The following STOX2 variants were observed in gnomAD, a reference collection of about 807,000 sequenced individuals.
STOX2 encodes the protein storkhead-box protein 2.
A neutral mutation model predicts 60.9 loss-of-function variants in STOX2; 28 were observed. The observed-to-expected ratio is 0.46, with a 90% CI of 0.34 to 0.63. STOX2 has a LOEUF of 0.63. Ranked by LOEUF, STOX2 falls within the 30% of genes least tolerant of loss-of-function variation. STOX2 has a pLI of 0.01. For synonymous variants in STOX2, 472 were observed against 463.9 expected (o/e 1.02, Z -0.22); for missense variants, 1,024 against 1,187.7 (o/e 0.86, Z 2.03).
chr4:183,836,645 G>A lies in STOX2; in HGVS notation c.364+38590G>A, dbSNP rs1739715150. The stretch of plus-strand genomic sequence containing the variant: ...AGTCTTCCATGTCCTGGGAAGGGGT[G>A]ACCTGGTATTAGTGAGCATCAGCAG... On this transcript the variant is annotated intron_variant, in intron 1 of 2. Transcript: ENST00000513034. The surrounding 1 kb of genome is among the most constrained non-coding windows in gnomAD (Gnocchi z 4.1). 6.6e-6 allele frequency among the ~76,000 whole-genome samples: 1 copy of A among 152,180 alleles called. No individual in the cohort carries two copies. Among genetic ancestry groups the A allele is most frequent in the South Asian group, 2.1e-4 (1 of 4,830 alleles).
intron 1 of STOX2, among the ~76,000 whole-genome samples, chr4:183,861,225 A>T (rs962719531): frequency 6.6e-6 from 1 of 152,060 alleles, no homozygotes; most frequent in Non-Finnish European, 1.5e-5. Flanking sequence ...AGCAGACAGG[A>T]CCCCCTAGAT....
intron 1 of STOX2, among the ~76,000 whole-genome samples, chr4:183,800,231 A>G (rs1421613238): frequency 6.6e-6 from 1 of 151,950 alleles, no homozygotes. Flanking sequence ...GGGCTTTGCA[A>G]TTCCAGTCTG....
At position 184,017,290 on chromosome 4, in the gene STOX2, C is replaced by T. The variant is rs750550716; in HGVS notation, c.*6C>T. 2 of 1,580,796 alleles carry T rather than the reference C, an allele frequency of 1.3e-6. No individual in the cohort carries two copies. The highest frequency in any genetic ancestry group is 2.3e-5 in the South Asian group (2 of 86,262). On this transcript the variant is annotated 3_prime_UTR_variant, in exon 4 of 4. Transcript: ENST00000308497. ...CTTCTGTTACTAGCGTGTGATTGTC[C>T]TTCTGCCTCAGATCTTCTGTCTCAT...
chr4:183,903,217 A>G (rs1741501156), upstream of STOX2, among the ~76,000 whole-genome samples: 1 of 152,186 alleles, frequency 6.6e-6, no homozygotes, highest in Non-Finnish European at 1.5e-5. Context: ...CTGGCTCTGC[A>G]TCCTTCCATG....
chr4:183,882,485 C>T (rs901679609), intron 1 of STOX2, among the ~76,000 whole-genome samples: 1 of 152,242 alleles, frequency 6.6e-6, no homozygotes, highest in Non-Finnish European at 1.5e-5. Context: ...TCTATCACTT[C>T]ATTCTATCCC....
intron 1 of STOX2, among the ~76,000 whole-genome samples, chr4:183,829,613 A>C (rs1739519244): frequency 6.6e-6 from 1 of 152,194 alleles, no homozygotes; most frequent in African/African-American, 2.4e-5. Flanking sequence ...ATTTCTTGTG[A>C]AAATCAGCCC....
chr4:183,945,081 G>C (rs1323149408), intron 1 of STOX2, among the ~76,000 whole-genome samples: 2 of 152,182 alleles, frequency 1.3e-5, no homozygotes, highest in Non-Finnish European at 2.9e-5. Context: ...AGTGCCTCTG[G>C]GTATGGAGTC....
At chr4:183,877,671 C>G (rs1365639618) in intron 1 of STOX2, among the ~76,000 whole-genome samples, 1 of 151,704 alleles carries the variant, frequency 6.6e-6, no homozygotes, top group Non-Finnish European at 1.5e-5. Flanking sequence ...CGCACTTCCG[C>G]TGCTGCTGCT....
intron 1 of STOX2, among the ~76,000 whole-genome samples, chr4:183,965,303 T>C (rs1743532912): frequency 6.6e-6 from 1 of 152,192 alleles, no homozygotes; most frequent in African/African-American, 2.4e-5. Context: ...TAAATGAGGA[T>C]TACACCCACA....
At chr4:184,004,469 G>A (rs1485928793) in intron 2 of STOX2, among the ~76,000 whole-genome samples, 7 of 152,100 alleles carry the variant, frequency 4.6e-5, no homozygotes, top group African/African-American at 1.2e-4. Flanking sequence ...GCTTGGTGGC[G>A]GGCGCCTGTA....
intron 1 of STOX2, among the ~76,000 whole-genome samples, chr4:183,987,189 C>A (rs1732880933): frequency 6.6e-6 from 1 of 152,182 alleles, no homozygotes; most frequent in Non-Finnish European, 1.5e-5. Context: ...TCTCTGACTC[C>A]ATTTTTCTCG....
At chr4:183,798,903 A>AAAGC in intron 1 of STOX2, 1 of 151,746 alleles carries the variant, frequency 6.6e-6, no homozygotes, top group Non-Finnish European at 9.1e-6. Context: ...TTATACTTTG[A>AAAGC]GTTTTTGTAC....
intron 1 of STOX2, among the ~76,000 whole-genome samples, chr4:183,883,779 C>T (rs1232738936): frequency 6.6e-6 from 1 of 152,032 alleles, no homozygotes; most frequent in Non-Finnish European, 1.5e-5. Flanking sequence ...CACGACTTTA[C>T]AATTAATGAA....
chr4:183,991,422 T>A (rs1319256883), intron 1 of STOX2, among the ~76,000 whole-genome samples: 1 of 148,630 alleles, frequency 6.7e-6, no homozygotes, highest in Non-Finnish European at 1.5e-5. Flanking sequence ...CTAGATGGGC[T>A]TGAGGAAGAA....
At position 183,856,304 on chromosome 4, in the gene STOX2, T is replaced by G. The variant is rs1291533503; in HGVS notation, c.364+58249T>G. Among the ~76,000 whole-genome samples the G allele has an allele frequency of 6.6e-6, 1 of 152,026 alleles. No homozygotes were observed. Among genetic ancestry groups the G allele is most frequent in the Non-Finnish European group, 1.5e-5 (1 of 68,016 alleles). ...AACTAAAAAAATCTGCACCATTAAT[T>G]AAAGAAATGGCATGGGCTACACTAA... On this transcript the variant is annotated intron_variant, in intron 1 of 2. Transcript: ENST00000513034. This position sits in a 1 kb window ranked among gnomAD's most constrained non-coding sequence, Gnocchi z 4.0.
intron 1 of STOX2, among the ~76,000 whole-genome samples, chr4:183,910,449 T>G (rs1467719241): frequency 6.6e-6 from 1 of 152,242 alleles, no homozygotes; most frequent in Non-Finnish European, 1.5e-5. Flanking sequence ...TAGAATTATG[T>G]GAACTGTAAG....
intron 1 of STOX2, among the ~76,000 whole-genome samples, chr4:183,810,566 C>T (rs113789584): frequency 5.4e-4 from 82 of 152,280 alleles, no homozygotes; most frequent in African/African-American, 1.6e-3. Flanking sequence ...CCCCAAAGTT[C>T]GTATCTTGGA....
intron 1 of STOX2, among the ~76,000 whole-genome samples, chr4:183,807,036 G>T (rs145408267): frequency 6.6e-6 from 1 of 151,824 alleles, no homozygotes; most frequent in Non-Finnish European, 1.5e-5. Flanking sequence ...GCAGTGGCGC[G>T]ATCTCGGCTC....
chr4:183,839,293 G>A (rs1208751104), intron 1 of STOX2, among the ~76,000 whole-genome samples: 3 of 152,192 alleles, frequency 2.0e-5, no homozygotes, highest in African/African-American at 7.2e-5. Flanking sequence ...GAGACATCTA[G>A]ACATCTAGGT....
Sources: gnomAD v4.1 joint callset for allele counts (sites outside exome capture counted in the v4.1 genomes callset) on GRCh38, gnomAD v4.1.1 for gene constraint, Gnocchi (gnomAD v3.1) non-coding constraint, MANE v1.5 for transcripts, NCBI Gene and HGNC (gene_info 2026-07-23, HGNC 2026-07-21) for gene names.